The following GGCT variants were observed in gnomAD, a reference collection of about 807,000 sequenced individuals.
GGCT encodes the protein cytochrome c-releasing factor 21.
GGCT carries 20 observed loss-of-function variants against 22.1 expected under a neutral mutation model. The observed-to-expected ratio is 0.91, with a 90% CI of 0.64 to 1.32. The LOEUF (loss-of-function observed/expected upper bound fraction) is 1.32. GGCT is among the 40% of genes most tolerant of loss of function. GGCT has a pLI of 0.00. For missense variants in GGCT, 209 were observed against 223.5 expected (o/e 0.94, Z 0.41); for synonymous variants, 72 against 78.4 (o/e 0.92, Z 0.43).
Position 30,504,653 on chromosome 7 carries a change from G to A in GGCT, c.57C>T (p.Tyr19=). 6.2e-7 allele frequency: 1 copy of A among 1,614,138 alleles called. No individual in the cohort carries two copies. Among genetic ancestry groups the A allele is most frequent in the Non-Finnish European group, 8.5e-7 (1 of 1,179,954 alleles). ...VTGPDEESFL[Y]FAYGSNLLTE... ...TCAGCAGGTTGCTGCCGTAGGCAAA[G>A]TACAGAAAACTCTCCTCATCTGGAC... Residue 19 remains tyrosine, a synonymous_variant, in exon 1 of 4, where the codon TAC becomes TAT. Coordinates refer to ENST00000275428, the MANE Select transcript of GGCT (RefSeq NM_024051.4).
chr7:30,498,256 T>C (rs1789606461), intron 3 of GGCT, among the ~76,000 whole-genome samples: 1 of 151,514 alleles, frequency 6.6e-6, no homozygotes, highest in South Asian at 2.1e-4. Flanking sequence ...CTCACATATA[T>C]TTCTAAAAAT....
At position 30,504,568 on chromosome 7, in the gene GGCT, C is replaced by T. The variant is rs758249966; in HGVS notation, c.141+1G>A. ...TGGGTAGCGCGGGAGGGGGCACTCA[C>T]CTGCAGGCGGGCCACACAGAAGAAC... is the stretch of plus-strand genomic sequence containing the variant. On this transcript the variant is annotated splice_donor_variant, in intron 1 of 3. Coordinates refer to ENST00000275428, the MANE Select transcript of GGCT (RefSeq NM_024051.4). LOFTEE classifies it high-confidence loss of function. 2.5e-6 allele frequency: 4 copies of T among 1,613,412 alleles called. No homozygotes were observed. The Admixed American group carries it at 5.0e-5, about 20-fold the overall frequency.
chr7:30,504,155 G>A (rs546218597), intron 1 of GGCT, among the ~76,000 whole-genome samples: 1 of 152,334 alleles, frequency 6.6e-6, no homozygotes. Context: ...AGGAGCGAAA[G>A]GCAGGTAAAC....
chr7:30,497,295 G>T, intron 3 of GGCT, 60 bp from the exon 4 acceptor site: 1 of 1,273,550 alleles, frequency 7.9e-7, no homozygotes, highest in Non-Finnish European at 1.1e-6. Flanking sequence ...ATAATTTAAC[G>T]TACCATACCA....
rs1789563830 is a variant in GGCT at position 30,497,205 on chromosome 7, A to G, written c.454T>C (p.Leu152=). ...AACTTCTCTTGATACTCCAGCGGCA[A>G]ACCATTTTCTTTTGCACCCATGCAA... ...IICMGAKENG[L]PLEYQEKLKA... is the part of the protein sequence containing the mutation. Residue 152 remains leucine, a synonymous_variant, in exon 4 of 4, where the codon TTG becomes CTG. Transcript: ENST00000275428. The G allele has an allele frequency of 6.2e-7, 1 of 1,611,204 alleles. No homozygotes were observed. Among genetic ancestry groups the G allele is most frequent in the Non-Finnish European group, 8.5e-7 (1 of 1,178,944 alleles).
chr7:30,499,956 C>T (rs1274636605), intron 2 of GGCT, among the ~76,000 whole-genome samples: 2 of 151,978 alleles, frequency 1.3e-5, no homozygotes, highest in Non-Finnish European at 2.9e-5. Context: ...GGCTCTTTCT[C>T]CTTCACAAGT....
chr7:30,498,712 T>G, intron 3 of GGCT, 91 bp downstream of exon 3: 1 of 1,171,226 alleles, frequency 8.5e-7, no homozygotes, highest in Non-Finnish European at 1.2e-6. Context: ...AGCCACCACG[T>G]TGGGCCTAAA....
chr7:30,498,026 T>TATATATATATAC (rs68111355), intron 3 of GGCT: 154 of 219,484 alleles, frequency 7.0e-4, no homozygotes, highest in East Asian at 2.8e-3. Flanking sequence ...TATATATAGA[T>TATATATATATAC]ACACACACAC....
chr7:30,497,307 A>G (rs1789570021), intron 3 of GGCT, 72 bp from the exon 4 acceptor site: 1 of 1,096,442 alleles, frequency 9.1e-7, no homozygotes, highest in Admixed American at 2.4e-5. Context: ...ACCATACCAC[A>G]GCTTTATTTG....
chr7:30,497,734 A>G, intron 3 of GGCT: 1 of 1,364,974 alleles, frequency 7.3e-7, no homozygotes, highest in Non-Finnish European at 9.6e-7. Context: ...CCTAGGAACC[A>G]GATTACCTAT....
chr7:30,497,983 C>T (rs931555734), intron 3 of GGCT: 46 of 402,548 alleles, frequency 1.1e-4, no homozygotes, highest in Admixed American at 4.6e-4. Context: ...TACTGTGTTA[C>T]GGGGAGAAAA....
At chr7:30,504,370 G>T (rs1424312365) in intron 1 of GGCT, among the ~76,000 whole-genome samples, 199 bp downstream of exon 1, 1 of 152,280 alleles carries the variant, frequency 6.6e-6, no homozygotes, top group East Asian at 1.9e-4. Flanking sequence ...CAGGCAGCCC[G>T]AGAGGGCACC....
At chr7:30,497,326 A>G in intron 3 of GGCT, 91 bp from the exon 4 acceptor site, 1 of 839,980 alleles carries the variant, frequency 1.2e-6, no homozygotes, top group Non-Finnish European at 1.8e-6. Context: ...TGCCTTCTCA[A>G]AGTATGAAGT....
At chr7:30,499,622 G>C (rs959834981) in intron 2 of GGCT, among the ~76,000 whole-genome samples, 28 of 151,882 alleles carry the variant, frequency 1.8e-4, no homozygotes, top group African/African-American at 6.5e-4. Flanking sequence ...TGAGGCGGGA[G>C]AATCACTGGA....
rs1789787307 is a variant in GGCT at position 30,504,621 on chromosome 7, C to T, written c.89G>A (p.Arg30Lys). 6.2e-7 allele frequency: 1 copy of T among 1,613,998 alleles called. No individual in the cohort carries two copies. The highest frequency in any genetic ancestry group is 1.1e-5 in the South Asian group (1 of 91,082). The change falls in exon 1 of 4, where the codon AGG becomes AAG. Residue 30 changes from arginine to lysine, a missense_variant. Arg to Lys is a conservative substitution (Grantham distance 26). Transcript: ENST00000275428. ...CGCCGAGGGGTTTCGGAGGTGGATC[C>T]TCTCTGTCAGCAGGTTGCTGCCGTA... Reference protein sequence around the residue: ...FAYGSNLLTERIHLRNPSAAF... With the variant: ...FAYGSNLLTEKIHLRNPSAAF...
At chr7:30,497,713 T>C (rs1240162503) in intron 3 of GGCT, 1 of 1,304,596 alleles carries the variant, frequency 7.7e-7, no homozygotes, top group Non-Finnish European at 1.0e-6. Context: ...ACTAAAAAAT[T>C]CCAAACGAGG....
At chr7:30,500,375 T>C (rs1393279626) in intron 2 of GGCT, among the ~76,000 whole-genome samples, 161 bp downstream of exon 2, 1 of 152,248 alleles carries the variant, frequency 6.6e-6, no homozygotes, top group Non-Finnish European at 1.5e-5. Flanking sequence ...CTAGACCTTT[T>C]AGCAAACTCA....
chr7:30,497,297 A>G, intron 3 of GGCT, 62 bp from the exon 4 acceptor site: 2 of 1,241,904 alleles, frequency 1.6e-6, no homozygotes, highest in Non-Finnish European at 2.3e-6. Flanking sequence ...AATTTAACGT[A>G]CCATACCACA....
chr7:30,499,024 G>T, intron 2 of GGCT, 86 bp from the exon 3 acceptor site: 1 of 1,164,610 alleles, frequency 8.6e-7, no homozygotes, highest in South Asian at 1.2e-5. Flanking sequence ...TAGTCAAGAT[G>T]GTGTATGGGA....
Sources: gnomAD v4.1 joint callset for allele counts (sites outside exome capture counted in the v4.1 genomes callset) on GRCh38, gnomAD v4.1.1 for gene constraint, MANE v1.5 for transcripts, NCBI Gene and HGNC (gene_info 2026-07-23, HGNC 2026-07-21) for gene names.